Variants in LIPA observed in about 807,000 individuals in gnomAD.
The protein encoded by LIPA is lysosomal acid lipase/cholesteryl ester hydrolase.
A neutral mutation model predicts 40.6 loss-of-function variants in LIPA; 26 were observed. That is an observed-to-expected ratio of 0.64 (90% CI 0.47 to 0.89). The LOEUF (loss-of-function observed/expected upper bound fraction) is 0.89. Among genes scored for constraint, LIPA ranks in the 40% least tolerant of loss-of-function variants. The pLI is 0.00. For synonymous variants in LIPA, 188 were observed against 168.4 expected (o/e 1.12, Z -0.90); for missense variants, 455 against 479.6 (o/e 0.95, Z 0.48).
chr10:89,226,931 C>A lies in LIPA; in HGVS notation c.502G>T (p.Val168Leu). The change falls in exon 5 of 10, where the codon GTG becomes TTG. Residue 168 changes from valine to leucine, a missense_variant. By Grantham distance (32) the Val-to-Leu change is conservative (BLOSUM62 1). Coordinates refer to ENST00000336233, the MANE Select transcript of LIPA (RefSeq NM_000235.4). ...CCTTGAGAATGACCCACATAATACA[C>A]TTGTTCTTGGCCAGTTTTATTCAGA... ...FILNKTGQEQVYYVGHSQGTT... is the reference protein window; with the variant it reads ...FILNKTGQEQLYYVGHSQGTT... The A allele has an allele frequency of 6.2e-7, 1 of 1,612,314 alleles. No individual in the cohort carries two copies. The highest frequency in any genetic ancestry group is 8.5e-7 in the Non-Finnish European group (1 of 1,178,540).
upstream of LIPA, among the ~76,000 whole-genome samples, chr10:89,345,090 C>G (rs1843907365): frequency 6.6e-6 from 1 of 151,838 alleles, no homozygotes; most frequent in South Asian, 2.1e-4. Context: ...TGGCTTAAAC[C>G]TGGCAGGTAG....
intron 1 of LIPA, among the ~76,000 whole-genome samples, chr10:89,319,018 G>C (rs1424064648): frequency 1.3e-5 from 2 of 152,150 alleles, no homozygotes; most frequent in Non-Finnish European, 2.9e-5. Context: ...AAACCAATGA[G>C]AACAAAGACA....
intron 3 of LIPA, among the ~76,000 whole-genome samples, chr10:89,233,819 T>C (rs1842871803): frequency 1.3e-5 from 2 of 152,098 alleles, no homozygotes; most frequent in South Asian, 4.1e-4. Flanking sequence ...TCAGCCAAGA[T>C]CGCACCACTG....
chr10:89,352,307 T>C (rs1843963413), intron 2 of LIPA, among the ~76,000 whole-genome samples: 1 of 152,140 alleles, frequency 6.6e-6, no homozygotes, highest in African/African-American at 2.4e-5. Flanking sequence ...GGTTTTCATG[T>C]CCTCTACCTC....
chr10:89,329,161 G>T (rs1049732592), intron 1 of LIPA, among the ~76,000 whole-genome samples: 3 of 152,116 alleles, frequency 2.0e-5, no homozygotes, highest in African/African-American at 7.2e-5. Flanking sequence ...AGACCCCATC[G>T]ACCATTCAGG....
In LIPA at chr10:89,223,646, TA is replaced by T. The variant is rs752384602; in HGVS notation, c.822+37del. ...CAACACAAATAAGCACATTCACAGATAAAAAAAAAAATCAAATCTTACTATA... is the reference window on the plus strand; with the variant it reads ...CAACACAAATAAGCACATTCACAGATAAAAAAAAAATCAAATCTTACTATA... On this transcript the variant is annotated intron_variant, in intron 7 of 9. Transcript: ENST00000336233. 17,946 of 1,124,326 alleles carry T rather than the reference TA, an allele frequency of 0.016. 2 individuals are homozygous for T. The highest frequency in any genetic ancestry group is 0.019 in the East Asian group (581 of 30,966). The allele number at this position is 1,124,326 out of a possible 1,614,324, so 69.6% of individuals were successfully genotyped here.
At chr10:89,369,468 C>G (rs142530906) in intron 2 of LIPA, among the ~76,000 whole-genome samples, 159 of 151,452 alleles carry the variant, frequency 1.0e-3, no homozygotes, top group Non-Finnish European at 2.0e-3. Flanking sequence ...CAGTGAGCAG[C>G]CAAGAAGCGG....
chr10:89,299,815 G>A lies in LIPA; in HGVS notation c.-2+42796C>T, dbSNP rs116904142. ...GAAAGGGAACTCTTATACACTGTTG[G>A]TAGGAATGTAAATTAGTACAGTCAT... On this transcript the variant is annotated intron_variant, in intron 1 of 5. Transcript: ENST00000282673. Among the ~76,000 whole-genome samples, 481 of 152,138 alleles carry A rather than the reference G, an allele frequency of 3.2e-3. 19 individuals carry two copies. In the East Asian group the frequency reaches 0.072, roughly 23 times the overall value.
At chr10:89,403,746 T>G in intron 2 of LIPA, 2 of 1,159,312 alleles carry the variant, frequency 1.7e-6, no homozygotes, top group Non-Finnish European at 2.5e-6. Flanking sequence ...ACATTTCATT[T>G]CATTTTATGC....
At chr10:89,308,739 A>G (rs1039546966) in intron 1 of LIPA, 16 of 152,228 alleles carry the variant, frequency 1.1e-4, no homozygotes, top group Non-Finnish European at 2.2e-4. Flanking sequence ...TTGTGCAATT[A>G]AAACAATACA....
At chr10:89,242,128 C>T (rs1171789985) in intron 3 of LIPA, among the ~76,000 whole-genome samples, 2 of 152,216 alleles carry the variant, frequency 1.3e-5, no homozygotes, top group Admixed American at 1.3e-4. Context: ...CTCCCCATGA[C>T]TTTCTGAAAT....
intron 1 of LIPA, among the ~76,000 whole-genome samples, chr10:89,265,855 T>C (rs986453172): frequency 5.3e-5 from 8 of 152,234 alleles, no homozygotes; most frequent in Admixed American, 4.6e-4. Flanking sequence ...TATGTTATTA[T>C]TACAGGTGGA....
chr10:89,364,475 A>T (rs1844044428), intron 2 of LIPA, among the ~76,000 whole-genome samples: 1 of 152,150 alleles, frequency 6.6e-6, no homozygotes, highest in South Asian at 2.1e-4. Context: ...TGTGTGCACC[A>T]CAGTATCTCA....
chr10:89,389,450 T>C (rs924224421), intron 2 of LIPA, among the ~76,000 whole-genome samples: 1 of 152,160 alleles, frequency 6.6e-6, no homozygotes, highest in Non-Finnish European at 1.5e-5. Flanking sequence ...CCCAAGGAAG[T>C]AGTACCACCT....
At chr10:89,303,996 T>G (rs1033369395) in intron 1 of LIPA, among the ~76,000 whole-genome samples, 4 of 152,208 alleles carry the variant, frequency 2.6e-5, no homozygotes, top group Admixed American at 2.6e-4. Flanking sequence ...AGCTCCCCAG[T>G]GTCCTGTTCT....
At chr10:89,247,452 A>G in intron 2 of LIPA, 86 bp downstream of exon 2, 1 of 744,106 alleles carries the variant, frequency 1.3e-6, no homozygotes, top group Non-Finnish European at 2.4e-6. Flanking sequence ...AAAGAGATGA[A>G]TGTATGGGTA....
chr10:89,409,981 T>C (rs1841457094), intron 2 of LIPA, among the ~76,000 whole-genome samples: 1 of 152,310 alleles, frequency 6.6e-6, no homozygotes, highest in South Asian at 2.1e-4. Context: ...GCTCTAGCCT[T>C]AAGCCTTCCC....
intron 8 of LIPA, among the ~76,000 whole-genome samples, chr10:89,216,541 GAA>G (rs1486774988): frequency 1.3e-5 from 2 of 151,336 alleles, no homozygotes; most frequent in Non-Finnish European, 2.9e-5. Flanking sequence ...TTTGCAGATG[GAA>G]AATATTTGGA....
At position 89,334,610 on chromosome 10, in the gene LIPA, G is replaced by A. The variant is rs1234758124; in HGVS notation, c.-2+8001C>T. On this transcript the variant is annotated intron_variant, in intron 1 of 5. Coordinates refer to the LIPA transcript ENST00000282673. ...TTCCGGTTTCAAGCAATTCTGCCTC[G>A]GCTTCCCGAGTAGCTGGGATTACAG... Among the ~76,000 whole-genome samples the A allele has an allele frequency of 6.6e-5, 9 of 136,720 alleles. No individual in the cohort carries two copies. The South Asian group carries it at 9.7e-4, about 15-fold the overall frequency. 89.7% of individuals were successfully genotyped at this position (136,720 alleles called of 152,430 possible).
Sources: gnomAD v4.1 joint callset for allele counts (sites outside exome capture counted in the v4.1 genomes callset) on GRCh38, gnomAD v4.1.1 for gene constraint, MANE v1.5 for transcripts, NCBI Gene and HGNC (gene_info 2026-07-23, HGNC 2026-07-21) for gene names.